MSRA: variants seen among roughly 807,000 people sequenced by gnomAD.
MSRA encodes the protein mitochondrial peptide methionine sulfoxide reductase.
Under a neutral mutation model 31.3 loss-of-function variants are expected in MSRA, and 54 were observed. The ratio of observed to expected loss-of-function variants is 1.73; its 90% CI spans 1.39 to 2.17. The LOEUF is 2.17. MSRA is among the 30% of genes most tolerant of loss of function. The probability of loss-of-function intolerance (pLI) is 0.00; values close to 1 mark genes in which losing one functional copy is unlikely to be tolerated. For missense variants in MSRA, 507 were observed against 300.9 expected (o/e 1.69, Z -5.07); for synonymous variants, 169 against 116.5 (o/e 1.45, Z -2.90).
intron 1 of MSRA, among the ~76,000 whole-genome samples, chr8:10,153,607 A>T (rs1803901822): frequency 6.6e-6 from 1 of 152,090 alleles, no homozygotes; most frequent in African/African-American, 2.4e-5. Context: ...GCAGTTAGGG[A>T]TATTGACATT....
At chr8:10,358,460 C>G (rs543979149) in intron 5 of MSRA, among the ~76,000 whole-genome samples, 2 of 152,044 alleles carry the variant, frequency 1.3e-5, no homozygotes, top group African/African-American at 4.8e-5. Context: ...CCCCAACCCC[C>G]GGTTCTGGCC....
intron 1 of MSRA, among the ~76,000 whole-genome samples, chr8:10,141,049 G>A (rs1225686959): frequency 6.6e-6 from 1 of 152,198 alleles, no homozygotes; most frequent in African/African-American, 2.4e-5. Context: ...GTGATGGGCA[G>A]ATGCAGTGAG....
intron 1 of MSRA, among the ~76,000 whole-genome samples, chr8:10,195,258 G>GT (rs572988277): frequency 2.0e-5 from 3 of 152,094 alleles, no homozygotes; most frequent in African/African-American, 7.2e-5. Flanking sequence ...TTGTTTGTTT[G>GT]TTTTTTGAGT....
chr8:10,406,922 A>T (rs1807853971), intron 5 of MSRA, among the ~76,000 whole-genome samples: 1 of 152,210 alleles, frequency 6.6e-6, no homozygotes, highest in African/African-American at 2.4e-5. Context: ...GCATGATCTC[A>T]GCTGCCTGTG....
At chr8:10,076,860 A>G in intron 1 of MSRA, among the ~76,000 whole-genome samples, 1 of 151,864 alleles carries the variant, frequency 6.6e-6, no homozygotes, top group Non-Finnish European at 1.5e-5. Context: ...TTAAGAGCAG[A>G]GGATGGGGGG....
intron 5 of MSRA, among the ~76,000 whole-genome samples, chr8:10,391,549 T>G (rs573906097): frequency 6.6e-6 from 1 of 152,354 alleles, no homozygotes; most frequent in South Asian, 2.1e-4. Flanking sequence ...ATTTTACTAC[T>G]GATGAACCCA....
chr8:10,220,456 G>A (rs1810390974), intron 2 of MSRA, among the ~76,000 whole-genome samples: 1 of 152,246 alleles, frequency 6.6e-6, no homozygotes, highest in Non-Finnish European at 1.5e-5. Flanking sequence ...CATAAGCTGA[G>A]TGAACACATA....
intron 1 of MSRA, among the ~76,000 whole-genome samples, chr8:10,144,261 G>C (rs773518210): frequency 1.3e-5 from 2 of 152,178 alleles, no homozygotes; most frequent in Admixed American, 6.5e-5. Flanking sequence ...AGCGAGAACT[G>C]TTAAGCCATG....
intron 5 of MSRA, among the ~76,000 whole-genome samples, chr8:10,365,690 C>A (rs576887036): frequency 1.1e-3 from 175 of 152,208 alleles, no homozygotes; most frequent in Admixed American, 0.01. Context: ...GCAGTTGTCC[C>A]GGTTTCAGGG....
chr8:10,206,478 C>T (rs1808986947), intron 1 of MSRA, among the ~76,000 whole-genome samples: 1 of 152,222 alleles, frequency 6.6e-6, no homozygotes, highest in Admixed American at 6.5e-5. Context: ...GATGGAATCC[C>T]TAAGGGCTAC....
chr8:10,391,299 C>G (rs1324115221), intron 5 of MSRA, among the ~76,000 whole-genome samples: 1 of 152,130 alleles, frequency 6.6e-6, no homozygotes, highest in Non-Finnish European at 1.5e-5. Context: ...CTGCTCTGGC[C>G]CCTGACATAT....
intron 3 of MSRA, among the ~76,000 whole-genome samples, chr8:10,279,727 C>T (rs1476394488): frequency 6.6e-6 from 1 of 152,236 alleles, no homozygotes; most frequent in African/African-American, 2.4e-5. Flanking sequence ...TGAGCAACGT[C>T]TGACACCTGA....
intron 1 of MSRA, among the ~76,000 whole-genome samples, chr8:10,125,223 C>G (rs1229187523): frequency 6.6e-6 from 1 of 152,196 alleles, no homozygotes; most frequent in Non-Finnish European, 1.5e-5. Context: ...CTAGGTCATT[C>G]TTTCCAAAGA....
chr8:10,184,777 A>G (rs1194948487), intron 1 of MSRA, among the ~76,000 whole-genome samples: 3 of 152,268 alleles, frequency 2.0e-5, no homozygotes, highest in African/African-American at 7.2e-5. Context: ...TTACATGTCA[A>G]AGGACACACA....
chr8:10,363,738 C>CCACACACACACACACACACACACACACA (rs71203319), intron 5 of MSRA, among the ~76,000 whole-genome samples: 1,382 of 103,300 alleles, frequency 0.013, 92 homozygotes, highest in East Asian at 0.041. Flanking sequence ...GATGCAGTCA[C>CCACACACACACACACACACACACACACA]CACACACACA....
intron 3 of MSRA, among the ~76,000 whole-genome samples, chr8:10,295,905 C>G (rs149650351): frequency 8.7e-4 from 133 of 152,304 alleles, no homozygotes; most frequent in African/African-American, 3.1e-3. Context: ...AGATTCCAGC[C>G]TCAGCTCTTG....
rs201637766 is a variant in MSRA at position 10,191,755 on chromosome 8, G to GT, written c.143-16067dup. Among the ~76,000 whole-genome samples the GT allele has an allele frequency of 7.5e-3, 1,073 of 143,292 alleles. 9 individuals are homozygous for GT. Among genetic ancestry groups the GT allele is most frequent in the Middle Eastern group, 0.029 (8 of 280 alleles). 94.0% of individuals were successfully genotyped at this position (143,292 alleles called of 152,430 possible). On this transcript the variant is annotated intron_variant, in intron 1 of 5. Transcript: ENST00000317173. ...CTGTGGAAATTGGCATTATAAAGATGTTTTTTTTTTTGGCTTATGTCATTA... is the reference window on the plus strand; with the variant it reads ...CTGTGGAAATTGGCATTATAAAGATGTTTTTTTTTTTTGGCTTATGTCATTA...
intron 1 of MSRA, among the ~76,000 whole-genome samples, chr8:10,114,841 C>T (rs1585179516): frequency 6.6e-6 from 1 of 152,170 alleles, no homozygotes; most frequent in Non-Finnish European, 1.5e-5. Context: ...TAATATAATT[C>T]TAGCAGAAAT....
intron 3 of MSRA, among the ~76,000 whole-genome samples, chr8:10,259,641 A>C (rs1300161702): frequency 6.6e-6 from 1 of 152,102 alleles, no homozygotes. Context: ...TCAGAAAATA[A>C]TATGTTGATA....
Sources: allele counts gnomAD v4.1 joint callset (sites outside exome capture counted in the v4.1 genomes callset), GRCh38; gene constraint gnomAD v4.1.1; transcripts MANE v1.5; gene names NCBI Gene and HGNC (gene_info 2026-07-23, HGNC 2026-07-21).